The following CEP85L variants were observed in gnomAD, a reference collection of about 807,000 sequenced individuals.
CEP85L encodes the protein centrosomal protein 85L.
CEP85L carries 60 observed loss-of-function variants against 100.3 expected under a neutral mutation model. The ratio of observed to expected loss-of-function variants is 0.60; its 90% CI spans 0.49 to 0.74. The LOEUF (loss-of-function observed/expected upper bound fraction) is 0.74, where lower values mean the gene tolerates loss of function less well. Among genes scored for constraint, CEP85L ranks in the 30% least tolerant of loss-of-function variants. The pLI is 0.00. For missense variants in CEP85L, 973 were observed against 936.2 expected (o/e 1.04, Z -0.51); for synonymous variants, 319 against 322.7 (o/e 0.99, Z 0.12).
chr6:118,626,031 C>T (rs1003143457), intron 2 of CEP85L, among the ~76,000 whole-genome samples: 13 of 152,108 alleles, frequency 8.5e-5, no homozygotes, highest in African/African-American at 3.1e-4. Context: ...TCGCCCCTAA[C>T]CAGCAGGAAG....
chr6:118,606,654 C>T (rs1229260297), intron 2 of CEP85L, among the ~76,000 whole-genome samples: 1 of 152,222 alleles, frequency 6.6e-6, no homozygotes, highest in East Asian at 1.9e-4. Flanking sequence ...AAGGTGGAGA[C>T]TTCATCCAGT....
At chr6:118,630,050 A>C (rs1774044411) in intron 2 of CEP85L, among the ~76,000 whole-genome samples, 1 of 152,216 alleles carries the variant, frequency 6.6e-6, no homozygotes, top group Non-Finnish European at 1.5e-5. Context: ...CAGTCACCTG[A>C]GGATGCAGTT....
chr6:118,638,819 T>C (rs1292065951), intron 1 of CEP85L, among the ~76,000 whole-genome samples: 7 of 152,212 alleles, frequency 4.6e-5, no homozygotes, highest in Non-Finnish European at 7.4e-5. Context: ...ACAGGAAGAT[T>C]AGCATTAAAT....
At chr6:118,701,892 A>T (rs1234021882) in intron 1 of CEP85L, among the ~76,000 whole-genome samples, 1 of 152,242 alleles carries the variant, frequency 6.6e-6, no homozygotes, top group Non-Finnish European at 1.5e-5. Flanking sequence ...GATAGGTCAA[A>T]TGCCTGAATA....
intron 10 of CEP85L, among the ~76,000 whole-genome samples, chr6:118,472,431 G>C (rs889328657): frequency 6.6e-6 from 1 of 152,154 alleles, no homozygotes; most frequent in African/African-American, 2.4e-5. Flanking sequence ...AAAGGACCAA[G>C]TGCTGTACAA....
At chr6:118,641,366 C>T (rs1050145906) in intron 1 of CEP85L, among the ~76,000 whole-genome samples, 3 of 151,380 alleles carry the variant, frequency 2.0e-5, no homozygotes, top group Admixed American at 6.6e-5. Flanking sequence ...AGGGAGTACA[C>T]GAGCCAATCC....
At chr6:118,514,972 G>GTT (rs369273286) in intron 4 of CEP85L, among the ~76,000 whole-genome samples, 2 of 144,794 alleles carry the variant, frequency 1.4e-5, no homozygotes, top group Non-Finnish European at 1.5e-5. Flanking sequence ...GCCCGGCTAA[G>GTT]TTTTTTTTTT....
intron 1 of CEP85L, among the ~76,000 whole-genome samples, chr6:118,671,915 C>T (rs1455332034): frequency 3.3e-5 from 5 of 152,024 alleles, no homozygotes; most frequent in Admixed American, 1.3e-4. Context: ...CCAGCCTGGG[C>T]GAAAGAGCGA....
Position 118,535,643 on chromosome 6 carries a change from T to G in CEP85L, c.1021-11723A>C, listed in dbSNP as rs548539582. ...TCACCCAGGAGGTGAATCATCCATT[T>G]CTCCAGCTCATCCACACTGTATATG... On this transcript the variant is annotated intron_variant, in intron 3 of 12. Coordinates refer to ENST00000368491, the MANE Select transcript of CEP85L (RefSeq NM_001042475.3). Among the ~76,000 whole-genome samples the G allele has an allele frequency of 4.6e-5, 7 of 152,268 alleles. No homozygotes were observed. The South Asian group carries it at 1.5e-3, about 32-fold the overall frequency.
intron 8 of CEP85L, 87 bp from the exon 9 acceptor site, chr6:118,480,600 TA>T (rs1773707266): frequency 8.7e-6 from 7 of 805,400 alleles, no homozygotes; most frequent in Non-Finnish European, 1.4e-5. Flanking sequence ...ATTGCTTTAT[TA>T]AAAAATATTA....
chr6:118,554,318 A>G (rs1450915196), intron 3 of CEP85L, among the ~76,000 whole-genome samples: 3 of 152,066 alleles, frequency 2.0e-5, no homozygotes, highest in Non-Finnish European at 2.9e-5. Context: ...AAAACAATTA[A>G]TTAATTAAAA....
chr6:118,631,657 T>A (rs765219383), intron 2 of CEP85L, among the ~76,000 whole-genome samples: 10 of 152,386 alleles, frequency 6.6e-5, no homozygotes, highest in Middle Eastern at 3.4e-3. Context: ...AGGAATGGAC[T>A]GTTGATACAT....
intron 1 of CEP85L, among the ~76,000 whole-genome samples, chr6:118,642,656 G>GT (rs1774951402): frequency 1.3e-5 from 2 of 152,152 alleles, no homozygotes; most frequent in African/African-American, 4.8e-5. Flanking sequence ...GTTCACATCT[G>GT]TAACACCAGC....
At chr6:118,517,000 G>C (rs963472505) in intron 4 of CEP85L, among the ~76,000 whole-genome samples, 3 of 149,258 alleles carry the variant, frequency 2.0e-5, no homozygotes, top group African/African-American at 7.4e-5. Context: ...TCATTAAATA[G>C]GGAATCCTTT....
At chr6:118,535,529 AAAATTCTAG>A (rs1449484700) in intron 3 of CEP85L, among the ~76,000 whole-genome samples, 2 of 152,188 alleles carry the variant, frequency 1.3e-5, no homozygotes, top group African/African-American at 2.4e-5. Context: ...TTAATAATGG[AAAATTCTAG>A]AAATAAAGAA....
rs550641576 is a variant in CEP85L at position 118,684,182 on chromosome 6, C to T, written c.-28+25854G>A. On this transcript the variant is annotated intron_variant, in intron 1 of 13. Coordinates refer to the CEP85L transcript ENST00000368488. ...AAACATTAAACATAACCCTTTCTGG[C>T]GAGATAACTCTCCCCTAGGTTACAT... Among the ~76,000 whole-genome samples, 22 of 152,266 alleles carry T rather than the reference C, an allele frequency of 1.4e-4. 1 individual carries two copies. The highest frequency in any genetic ancestry group is 1.2e-3 in the South Asian group (6 of 4,826).
chr6:118,503,283 T>G (rs1029807484), intron 5 of CEP85L, among the ~76,000 whole-genome samples: 2 of 152,212 alleles, frequency 1.3e-5, no homozygotes, highest in African/African-American at 2.4e-5. Context: ...TCTAAAAATG[T>G]TCTAAGAAGA....
chr6:118,588,639 T>G (rs1358115370), intron 2 of CEP85L, among the ~76,000 whole-genome samples: 1 of 152,240 alleles, frequency 6.6e-6, no homozygotes, highest in Non-Finnish European at 1.5e-5. Context: ...TTTATGGAAT[T>G]GGTTAGCCCC....
intron 1 of CEP85L, among the ~76,000 whole-genome samples, chr6:118,675,316 T>A (rs1776449427): frequency 6.6e-6 from 1 of 151,962 alleles, no homozygotes; most frequent in African/African-American, 2.4e-5. Context: ...AACAGTAGAT[T>A]AGTGATTGCC....
Sources: allele counts gnomAD v4.1 joint callset (sites outside exome capture counted in the v4.1 genomes callset), GRCh38; gene constraint gnomAD v4.1.1; transcripts MANE v1.5; gene names NCBI Gene and HGNC (gene_info 2026-07-23, HGNC 2026-07-21).